Variants in NCAM2 observed in about 807,000 individuals in gnomAD.
NCAM2 encodes neural cell adhesion molecule 2.
NCAM2 carries 30 observed loss-of-function variants against 98.1 expected under a neutral mutation model. The ratio of observed to expected loss-of-function variants is 0.31; its 90% confidence interval spans 0.23 to 0.41. The LOEUF (loss-of-function observed/expected upper bound fraction) is 0.41. Ranked by LOEUF, NCAM2 falls within the 10% of genes least tolerant of loss-of-function variation. The probability of loss-of-function intolerance (pLI) is 1.00; values close to 1 mark genes in which losing one functional copy is unlikely to be tolerated. For synonymous variants in NCAM2, 368 were observed against 342.4 expected, an observed-to-expected ratio of 1.07 and a Z score of -0.83; for missense variants, 867 against 1,005.8, an observed-to-expected ratio of 0.86 and a Z score of 1.87.
chr21:21,286,245 ATTT>A lies in NCAM2; in HGVS notation c.338-23_338-21del. 2.3e-6 allele frequency: 3 copies of A among 1,299,446 alleles called. No homozygotes were observed. The South Asian group carries it at 4.5e-5, about 20-fold the overall frequency. 80.5% of individuals were successfully genotyped at this position (1,299,446 alleles called of 1,614,324 possible). On this transcript the variant is annotated intron_variant, in intron 3 of 17. Coordinates refer to ENST00000400546, the MANE Select transcript of NCAM2 (RefSeq NM_004540.5). The stretch of plus-strand genomic sequence containing the variant: ...ATACTTTTGTGATTTGTGATTTGTG[ATTT>A]GTTTTACTTTGTTGATACAGAAAAA...
At chr21:21,237,455 T>C (rs982961551) in intron 1 of NCAM2, among the ~76,000 whole-genome samples, 5 of 152,152 alleles carry the variant, frequency 3.3e-5, no homozygotes, top group Non-Finnish European at 5.9e-5. Context: ...CTTTCTGTCA[T>C]TGGAACTCAG....
At chr21:21,310,912 A>G (rs944839824) in intron 5 of NCAM2, among the ~76,000 whole-genome samples, 6 of 152,152 alleles carry the variant, frequency 3.9e-5, no homozygotes, top group Non-Finnish European at 5.9e-5. Flanking sequence ...CCATATTAGC[A>G]CAGCTTTAGA....
At chr21:21,253,650 AT>A (rs1356836899) in intron 1 of NCAM2, among the ~76,000 whole-genome samples, 1 of 152,234 alleles carries the variant, frequency 6.6e-6, no homozygotes, top group Non-Finnish European at 1.5e-5. Context: ...TATAAGCAAC[AT>A]AATTTTTGGT....
intron 1 of NCAM2, among the ~76,000 whole-genome samples, chr21:21,015,027 A>G (rs2064280494): frequency 6.6e-6 from 1 of 152,194 alleles, no homozygotes; most frequent in East Asian, 1.9e-4. Flanking sequence ...TGCAGATGGG[A>G]CTGAAATTCT....
intron 8 of NCAM2, among the ~76,000 whole-genome samples, chr21:21,370,326 C>T (rs559427126): frequency 7.2e-5 from 11 of 151,790 alleles, no homozygotes; most frequent in Non-Finnish European, 1.0e-4. Flanking sequence ...TAAAAGTAAA[C>T]GTGCTAATTT....
intron 1 of NCAM2, among the ~76,000 whole-genome samples, chr21:21,163,546 A>G (rs2067857051): frequency 1.3e-5 from 2 of 152,120 alleles, no homozygotes; most frequent in Non-Finnish European, 2.9e-5. Flanking sequence ...TGTCTTTGCT[A>G]TGCCTGTGTT....
intron 1 of NCAM2, among the ~76,000 whole-genome samples, chr21:21,081,443 A>T (rs1203509026): frequency 7.2e-5 from 11 of 152,176 alleles, no homozygotes; most frequent in Admixed American, 7.2e-4. Context: ...TTGAGGTGGA[A>T]CCATCTGTCC....
Position 21,542,365 on chromosome 21 carries a change from A to T in NCAM2, c.*4408A>T, listed in dbSNP as rs1990265920. On this transcript the variant is annotated 3_prime_UTR_variant, in exon 18 of 18. Transcript: ENST00000400546. ...CTAAATATTTATTTGATAACACAAT[A>T]TTCTTAGAAAAATAGTTTATTACTT... 6.6e-6 allele frequency: 1 copy of T among 151,810 alleles called. No individual in the cohort carries two copies. The highest frequency in any genetic ancestry group is 6.6e-5 in the Admixed American group (1 of 15,196). The allele number at this position is 151,810 out of a possible 1,614,324, so 9.4% of individuals were successfully genotyped here.
chr21:21,139,467 C>T (rs752493284), intron 1 of NCAM2, among the ~76,000 whole-genome samples: 8 of 152,188 alleles, frequency 5.3e-5, no homozygotes, highest in South Asian at 2.1e-4. Context: ...AGATTAAGCA[C>T]GACTTTTCAC....
chr21:21,436,662 A>G (rs1302310989), intron 12 of NCAM2, among the ~76,000 whole-genome samples: 1 of 152,124 alleles, frequency 6.6e-6, no homozygotes, highest in Non-Finnish European at 1.5e-5. Context: ...TGGTGGAGGT[A>G]GGAGAATGGA....
intron 6 of NCAM2, among the ~76,000 whole-genome samples, chr21:21,326,811 G>A (rs930398246): frequency 6.6e-6 from 1 of 152,102 alleles, no homozygotes; most frequent in Non-Finnish European, 1.5e-5. Flanking sequence ...GGATGAGAAT[G>A]TGTGGTTGTA....
chr21:21,264,845 T>C (rs2072077586), intron 1 of NCAM2, among the ~76,000 whole-genome samples: 1 of 141,030 alleles, frequency 7.1e-6, no homozygotes, highest in South Asian at 2.2e-4. Flanking sequence ...TATACACACA[T>C]GCACACGCAC....
intron 1 of NCAM2, among the ~76,000 whole-genome samples, chr21:21,087,762 T>C (rs1252328221): frequency 6.6e-6 from 1 of 152,156 alleles, no homozygotes; most frequent in East Asian, 1.9e-4. Flanking sequence ...GATCCTGGTC[T>C]TGCAATTCAG....
At chr21:21,102,502 T>A (rs1030365935) in intron 1 of NCAM2, among the ~76,000 whole-genome samples, 1 of 151,966 alleles carries the variant, frequency 6.6e-6, no homozygotes, top group African/African-American at 2.4e-5. Context: ...ATTCATAAAA[T>A]TTTTTGGCAC....
intron 1 of NCAM2, among the ~76,000 whole-genome samples, chr21:21,159,920 T>C (rs2067730775): frequency 6.6e-6 from 1 of 152,000 alleles, no homozygotes; most frequent in South Asian, 2.1e-4. Flanking sequence ...CCAACATTGG[T>C]CTGGGTGAGA....
At chr21:21,407,089 T>C (rs926604990) in intron 9 of NCAM2, among the ~76,000 whole-genome samples, 7 of 152,182 alleles carry the variant, frequency 4.6e-5, no homozygotes, top group African/African-American at 1.7e-4. Context: ...CTATTTTTGG[T>C]ACACCAACAT....
chr21:21,377,523 G>A (rs913458710), intron 9 of NCAM2, among the ~76,000 whole-genome samples: 2 of 151,726 alleles, frequency 1.3e-5, no homozygotes, highest in African/African-American at 2.4e-5. Flanking sequence ...TATATTTAAG[G>A]TGTACAAATG....
At chr21:21,047,037 A>G (rs1268008704) in intron 1 of NCAM2, among the ~76,000 whole-genome samples, 1 of 50,496 alleles carries the variant, frequency 2.0e-5, no homozygotes, top group Non-Finnish European at 3.6e-5. Flanking sequence ...GCTTTATGAA[A>G]CAGCTTATTT....
rs1432604019 is a variant in NCAM2, at chr21:21,542,223, T to C, written c.*4266T>C. ...ATTTTCTTCCAGCTCCCATCCTTCC[T>C]TTTTGAAAAATTGAATTTACCCATG... On this transcript the variant is annotated 3_prime_UTR_variant, in exon 18 of 18. Transcript: ENST00000400546. 6.6e-6 allele frequency: 1 copy of C among 151,832 alleles called. No individual in the cohort carries two copies. Among genetic ancestry groups the C allele is most frequent in the Non-Finnish European group, 1.5e-5 (1 of 67,786 alleles). 9.4% of individuals were successfully genotyped at this position (151,832 alleles called of 1,614,324 possible).
Sources: allele counts gnomAD v4.1 joint callset (sites outside exome capture counted in the v4.1 genomes callset), GRCh38; gene constraint gnomAD v4.1.1; transcripts MANE v1.5; gene names NCBI Gene and HGNC (gene_info 2026-07-23, HGNC 2026-07-21).